NACC2: variants seen among roughly 807,000 people sequenced by gnomAD.
NACC2 encodes the protein NACC family member 2.
A neutral mutation model predicts 25.1 loss-of-function variants in NACC2; 8 were observed. The ratio of observed to expected loss-of-function variants is 0.32; its 90% CI spans 0.19 to 0.57. NACC2 has a LOEUF of 0.57. Ranked by LOEUF, NACC2 falls within the 20% of genes least tolerant of loss-of-function variation. The probability of loss-of-function intolerance (pLI) is 0.89; values close to 1 mark genes in which losing one functional copy is unlikely to be tolerated. For missense variants in NACC2, 644 were observed against 650.2 expected (o/e 0.99, Z 0.10); for synonymous variants, 435 against 294.7 (o/e 1.48, Z -4.88).
chr9:136,050,691 T>C (rs1840816885), intron 1 of NACC2, 111 bp from the exon 2 acceptor site: 10 of 629,766 alleles, frequency 1.6e-5, no homozygotes, highest in Non-Finnish European at 2.9e-5. Flanking sequence ...GAGCGAGCCT[T>C]CCGCACGCGC....
intron 1 of NACC2, among the ~76,000 whole-genome samples, chr9:136,057,832 G>A (rs370414917): frequency 3.4e-4 from 52 of 152,310 alleles, no homozygotes; most frequent in African/African-American, 8.7e-4. Context: ...CGGGGGTTGT[G>A]GAAGCGGTCG....
intron 1 of NACC2, among the ~76,000 whole-genome samples, chr9:136,059,189 T>A (rs1160165792): frequency 6.6e-6 from 1 of 152,304 alleles, no homozygotes; most frequent in East Asian, 1.9e-4. Flanking sequence ...TGCCACCCAG[T>A]GAGCCCAGGA....
chr9:136,050,110 C>T lies in NACC2; in HGVS notation c.412G>A (p.Ala138Thr), dbSNP rs1840797389. 6.6e-6 allele frequency: 5 copies of T among 754,400 alleles called. No homozygotes were observed. Among genetic ancestry groups the T allele is most frequent in the Admixed American group, 1.7e-5 (1 of 57,400 alleles). 46.7% of individuals were successfully genotyped at this position (754,400 alleles called of 1,614,324 possible). A position where few individuals can be genotyped will look rare whatever the true frequency, so the allele number is the denominator to read the frequency against. The change falls in exon 2 of 6, where the codon GCC becomes ACC. Residue 138 changes from alanine to threonine, a missense_variant. By Grantham distance (58) the Ala-to-Thr change is moderately conservative. Coordinates refer to ENST00000277554, the MANE Select transcript of NACC2 (RefSeq NM_144653.5). ...CDSQTAVIED[A>T]GSEPQSPCNQ... ...CAGGGGCTCTGGGGCTCGGAGCCGG[C>T]GTCCTCGATCACAGCGGTCTGCGAG...
chr9:136,014,238 C>T (rs942888152), intron 3 of NACC2, among the ~76,000 whole-genome samples: 6 of 151,638 alleles, frequency 4.0e-5, no homozygotes, highest in Non-Finnish European at 7.4e-5. Context: ...CCCTCCCCAA[C>T]GAGCCCCAAA....
chr9:136,021,275 G>A (rs1840287849), intron 2 of NACC2, among the ~76,000 whole-genome samples: 1 of 152,224 alleles, frequency 6.6e-6, no homozygotes, highest in East Asian at 1.9e-4. Flanking sequence ...CACATGAAAA[G>A]ACACTCAAGC....
chr9:136,063,232 TCGGCCATGCTGTG>T (rs1841037076), intron 1 of NACC2, among the ~76,000 whole-genome samples: 1 of 152,180 alleles, frequency 6.6e-6, no homozygotes, highest in African/African-American at 2.4e-5. Context: ...TGGGCTGGTC[TCGGCCATGCTGTG>T]CAGAGCACCT....
At position 136,006,789 on chromosome 9, in the gene NACC2, A is replaced by G. The variant is rs913686508; in HGVS notation, c.*4727T>C. On this transcript the variant is annotated 3_prime_UTR_variant, in exon 6 of 6. Coordinates refer to ENST00000277554, the MANE Select transcript of NACC2 (RefSeq NM_144653.5). ...CACAAAAACAGAGTGAGGGCTCAGG[A>G]AAACAAAACAAAGGCTTCCTCCTTA... is the stretch of plus-strand genomic sequence containing the variant. The G allele has an allele frequency of 1.3e-5, 2 of 152,154 alleles. No individual in the cohort carries two copies. The highest frequency in any genetic ancestry group is 6.5e-5 in the Admixed American group (1 of 15,272). 9.4% of individuals were successfully genotyped at this position (152,154 alleles called of 1,614,324 possible).
At chr9:136,021,266 A>AC (rs1840287763) in intron 2 of NACC2, among the ~76,000 whole-genome samples, 1 of 152,264 alleles carries the variant, frequency 6.6e-6, no homozygotes, top group African/African-American at 2.4e-5. Flanking sequence ...GGAAATTAGC[A>AC]CATGAAAAGA....
At position 136,006,655 on chromosome 9, in the gene NACC2, G is replaced by A. The variant is rs1245193013; in HGVS notation, c.*4861C>T. 3.9e-5 allele frequency: 6 copies of A among 152,182 alleles called. No homozygotes were observed. The highest frequency in any genetic ancestry group is 4.1e-4 in the South Asian group (2 of 4,828). 9.4% of individuals were successfully genotyped at this position (152,182 alleles called of 1,614,324 possible). On this transcript the variant is annotated 3_prime_UTR_variant, in exon 6 of 6. Transcript: ENST00000277554. ...CACTGTCTGAAACGGCTCTGAGCACGCTTGAAGCCCTCGGTTTCCCTGTTC... is the reference window on the plus strand; with the variant it reads ...CACTGTCTGAAACGGCTCTGAGCACACTTGAAGCCCTCGGTTTCCCTGTTC...
At chr9:136,054,939 A>C (rs1306363909) in intron 1 of NACC2, among the ~76,000 whole-genome samples, 1 of 151,298 alleles carries the variant, frequency 6.6e-6, no homozygotes, top group Non-Finnish European at 1.5e-5. Flanking sequence ...GCCCGAGTCC[A>C]CTCCCTGCAG....
intron 2 of NACC2, among the ~76,000 whole-genome samples, chr9:136,044,610 G>A (rs1237617685): frequency 1.3e-5 from 2 of 152,182 alleles, no homozygotes; most frequent in Non-Finnish European, 2.9e-5. Flanking sequence ...GGACGCCCCC[G>A]TCCCAGGCCA....
chr9:136,071,767 A>G (rs1217380901), intron 1 of NACC2, among the ~76,000 whole-genome samples: 1 of 152,146 alleles, frequency 6.6e-6, no homozygotes, highest in Non-Finnish European at 1.5e-5. Context: ...GATCAATGGA[A>G]CAGAATTTAA....
chr9:136,071,989 G>A (rs761500544), intron 1 of NACC2, among the ~76,000 whole-genome samples: 4 of 152,132 alleles, frequency 2.6e-5, no homozygotes, highest in Admixed American at 2.6e-4. Context: ...CGTAATCCCA[G>A]CACTTCGGGA....
At position 136,012,310 on chromosome 9, in the gene NACC2, C is replaced by T. The variant is rs73568821; in HGVS notation, c.1256-286G>A. Among the ~76,000 whole-genome samples the T allele has an allele frequency of 5.2e-3, 799 of 152,400 alleles. 8 individuals are homozygous for T. Among genetic ancestry groups the T allele is most frequent in the African/African-American group, 0.018 (767 of 41,602 alleles). On this transcript the variant is annotated intron_variant, in intron 5 of 5. Coordinates refer to ENST00000277554, the MANE Select transcript of NACC2 (RefSeq NM_144653.5). Reference sequence around the variant, plus strand: ...TGTGAGGCTCAGGCCTGTTTTTAATCTCTCCGGGCTTCCGTAGCCCCAACG... The same window carrying T: ...TGTGAGGCTCAGGCCTGTTTTTAATTTCTCCGGGCTTCCGTAGCCCCAACG...
chr9:136,062,434 C>G (rs73668060), intron 1 of NACC2, among the ~76,000 whole-genome samples: 1 of 152,128 alleles, frequency 6.6e-6, no homozygotes, highest in Admixed American at 6.5e-5. Flanking sequence ...GGTTTTGGCC[C>G]GTGGGGCATT....
Position 136,013,663 on chromosome 9 carries a change from G to C in NACC2, c.1157+201C>G, listed in dbSNP as rs1840148788. ...GGGGGTTGCATCCACAAGCCCGTTT[G>C]AGAAAGGCCACGAAAGACAGCCCCT... On this transcript the variant is annotated intron_variant, in intron 4 of 5. Transcript: ENST00000277554. This position sits in a 1 kb window ranked among gnomAD's most constrained non-coding sequence, Gnocchi z 6.6. Among the ~76,000 whole-genome samples, 3 of 152,192 alleles carry C rather than the reference G, an allele frequency of 2.0e-5. No homozygotes were observed. In the South Asian group the frequency reaches 6.2e-4, roughly 31 times the overall value.
chr9:136,061,206 C>T (rs758627605), intron 1 of NACC2, among the ~76,000 whole-genome samples: 84 of 152,328 alleles, frequency 5.5e-4, no homozygotes, highest in Non-Finnish European at 1.1e-3. Context: ...ACCGGGGTCT[C>T]CCACTGCCTG....
intron 1 of NACC2, among the ~76,000 whole-genome samples, chr9:136,085,999 G>A (rs995102348): frequency 3.3e-5 from 5 of 151,904 alleles, no homozygotes; most frequent in Non-Finnish European, 5.9e-5. Context: ...CCAGAGACTG[G>A]GCACCGCGCA....
In NACC2 at chr9:136,011,532, T is replaced by TA; in HGVS notation, c.1747dup (p.Tyr583LeufsTer26). 1 of 1,407,364 alleles carries TA rather than the reference T, an allele frequency of 7.1e-7. No individual in the cohort carries two copies. The highest frequency in any genetic ancestry group is 9.2e-7 in the Non-Finnish European group (1 of 1,086,878). The allele number at this position is 1,407,364 out of a possible 1,614,324, so 87.2% of individuals were successfully genotyped here. On this transcript the variant is annotated frameshift_variant, in exon 6 of 6. Transcript: ENST00000277554. LOFTEE classifies it high-confidence loss of function. ...CAGCTCCGCTTACAAGGTCCCTGCA[T>TA]AGGTGCCCTCCGGCCTCCGGGCCGC...
Sources: allele counts gnomAD v4.1 joint callset (sites outside exome capture counted in the v4.1 genomes callset), GRCh38; gene constraint gnomAD v4.1.1; non-coding constraint Gnocchi (gnomAD v3.1); transcripts MANE v1.5; gene names NCBI Gene and HGNC (gene_info 2026-07-23, HGNC 2026-07-21).